The following ITGB6 variants were observed in gnomAD, a reference collection of about 807,000 sequenced individuals.
ITGB6 encodes integrin beta-6.
Under a neutral mutation model 84.5 loss-of-function variants are expected in ITGB6, and 80 were observed. That is an observed-to-expected ratio of 0.95 (90% CI 0.79 to 1.14). The LOEUF is 1.14. Among genes scored for constraint, ITGB6 ranks in the 50% most tolerant of loss-of-function variants. The pLI, the probability that ITGB6 is intolerant of heterozygous loss-of-function variation, is 0.00. For missense variants in ITGB6, 1,006 were observed against 968.0 expected, an observed-to-expected ratio of 1.04 and a Z score of -0.52; for synonymous variants, 383 against 354.9, an observed-to-expected ratio of 1.08 and a Z score of -0.89.
intron 7 of ITGB6, among the ~76,000 whole-genome samples, chr2:160,157,775 A>G (rs1255028223): frequency 7.2e-6 from 1 of 139,480 alleles, no homozygotes; most frequent in African/African-American, 2.6e-5. Context: ...AAAAAATCCT[A>G]GGGGAATGTA....
chr2:160,161,872 C>T (rs1574104259), intron 7 of ITGB6, among the ~76,000 whole-genome samples: 1 of 152,180 alleles, frequency 6.6e-6, no homozygotes, highest in Non-Finnish European at 1.5e-5. Flanking sequence ...TCCCCTGTGA[C>T]CCAAGGATTT....
Position 160,126,538 on chromosome 2 carries a change from T to C in ITGB6, c.1724A>G (p.Asn575Ser). 1 of 1,614,076 alleles carries C rather than the reference T, an allele frequency of 6.2e-7. No homozygotes were observed. Among genetic ancestry groups the C allele is most frequent in the South Asian group, 1.1e-5 (1 of 91,072 alleles). Residue 575 changes from asparagine (N) to serine (S), a missense_variant, in exon 11 of 15, where the codon AAC becomes AGC. Physicochemically the swap from Asn to Ser is conservative, Grantham distance 46. Transcript: ENST00000283249. The part of the protein sequence containing the change: ...CRSGWTGEYC[N>S]CTTSTDSCVS... ...GCAGGAGTCCGTGCTGGTGGTGCAG[T>C]TGCAGTACTCGCCAGTCCAGCCGCT...
chr2:160,171,676 T>C (rs1471120), intron 6 of ITGB6, among the ~76,000 whole-genome samples: 32,701 of 152,180 alleles, frequency 0.21, 4,156 homozygotes, highest in Middle Eastern at 0.39. Context: ...TTATAGGCAC[T>C]GTGCTATCAG....
chr2:160,101,667 G>GA lies in ITGB6; in HGVS notation c.*68dup. 1 of 900,404 alleles carries GA rather than the reference G, an allele frequency of 1.1e-6. No individual in the cohort carries two copies. The highest frequency in any genetic ancestry group is 1.8e-6 in the Non-Finnish European group (1 of 544,874). The allele number at this position is 900,404 out of a possible 1,614,324, so 55.8% of individuals were successfully genotyped here. A position where few individuals can be genotyped will look rare whatever the true frequency, so the allele number is the denominator to read the frequency against. ...CAACCTCATTTTGAAGCAACAAAGA[G>GA]AAAAAAATTAAATAGTGCATTAACA... On this transcript the variant is annotated 3_prime_UTR_variant, in exon 15 of 15. Coordinates refer to ENST00000283249, the MANE Select transcript of ITGB6 (RefSeq NM_000888.5).
intron 10 of ITGB6, among the ~76,000 whole-genome samples, chr2:160,135,571 A>T (rs1000161996): frequency 2.0e-5 from 3 of 152,000 alleles, no homozygotes; most frequent in Admixed American, 2.0e-4. Context: ...TTCATATGGA[A>T]CCAAAAAAGA....
rs771143977 is a variant in ITGB6, at chr2:160,126,412, C to A, written c.1850G>T (p.Cys617Phe). The change falls in exon 11 of 15, where the codon TGT (cysteine) becomes TTT (phenylalanine). Residue 617 changes from cysteine (C) to phenylalanine (F), a missense_variant. Transcript: ENST00000283249. The stretch of plus-strand genomic sequence containing the variant: ...GTTACAGGGGTCACCACAGGTAGGA[C>A]ATCGTTCACAGGTTGGTCCTGAGGC... Reference protein sequence around the residue: ...PGASGPTCERCPTCGDPCNSK... With the variant: ...PGASGPTCERFPTCGDPCNSK... 6.2e-7 allele frequency: 1 copy of A among 1,614,206 alleles called. No homozygotes were observed. The highest frequency in any genetic ancestry group is 8.5e-7 in the Non-Finnish European group (1 of 1,180,020).
rs183016739 is a variant in ITGB6 at position 160,183,017 on chromosome 2, G to T, written c.594-8878C>A. On this transcript the variant is annotated intron_variant, in intron 4 of 14. Coordinates refer to ENST00000283249, the MANE Select transcript of ITGB6 (RefSeq NM_000888.5). ...GCACTAAATATGGAAGGGAAAAACT[G>T]GTACCAGCCACTGCAAAAACATACC... Among the ~76,000 whole-genome samples the T allele has an allele frequency of 5.8e-4, 88 of 152,186 alleles. 1 individual carries two copies. In the East Asian group the frequency reaches 0.014, roughly 25 times the overall value.
At position 160,123,884 on chromosome 2, in the gene ITGB6, A is replaced by G; in HGVS notation, c.1888T>C (p.Cys630Arg). 6.2e-7 allele frequency: 1 copy of G among 1,612,722 alleles called. No individual in the cohort carries two copies. Among genetic ancestry groups the G allele is most frequent in the African/African-American group, 1.3e-5 (1 of 75,036 alleles). ...CGDPCNSKRS[C>R]IECHLSAAGQ... Reference sequence around the variant, plus strand: ...GCTGCTGACAGGTGGCACTCAATGCAGCTCCTGTGGACAGTATCCAACAGT... The same window carrying G: ...GCTGCTGACAGGTGGCACTCAATGCGGCTCCTGTGGACAGTATCCAACAGT... Residue 630 changes from cysteine to arginine, a missense_variant, in exon 12 of 15, where the codon TGC (cysteine) becomes CGC (arginine). By Grantham distance (180) the Cys-to-Arg change is radical (BLOSUM62 -3). Transcript: ENST00000283249.
intron 7 of ITGB6, among the ~76,000 whole-genome samples, chr2:160,157,748 CAA>C (rs11364475): frequency 0.062 from 5,196 of 84,056 alleles, 102 homozygotes; most frequent in Middle Eastern, 0.17. Flanking sequence ...AGCACAGAGG[CAA>C]AAAAAAAAAA....
At chr2:160,146,436 G>C (rs1255009569) in intron 7 of ITGB6, among the ~76,000 whole-genome samples, 2 of 152,004 alleles carry the variant, frequency 1.3e-5, no homozygotes, top group Non-Finnish European at 2.9e-5. Flanking sequence ...TCACAGCACT[G>C]TTTGTTTTCA....
chr2:160,177,439 T>C (rs959172235), intron 4 of ITGB6, among the ~76,000 whole-genome samples: 7 of 151,804 alleles, frequency 4.6e-5, no homozygotes, highest in Non-Finnish European at 1.0e-4. Flanking sequence ...GGGGTGGTGG[T>C]GGGTGCCTGT....
intron 12 of ITGB6, among the ~76,000 whole-genome samples, chr2:160,115,497 C>T (rs970752806): frequency 1.3e-5 from 2 of 152,120 alleles, no homozygotes; most frequent in Admixed American, 1.3e-4. Context: ...ACATCCACAC[C>T]AAAAACCCTT....
At chr2:160,125,834 T>A (rs1318463097) in intron 11 of ITGB6, among the ~76,000 whole-genome samples, 1 of 152,090 alleles carries the variant, frequency 6.6e-6, no homozygotes, top group African/African-American at 2.4e-5. Flanking sequence ...AATAGCTGTG[T>A]ATAATGGCAA....
chr2:160,195,338 C>T, intron 4 of ITGB6, 31 bp downstream of exon 4: 1 of 1,612,982 alleles, frequency 6.2e-7, no homozygotes, highest in Non-Finnish European at 8.5e-7. Context: ...AAAATCAGCG[C>T]ACAAAGATGC....
At chr2:160,164,262 G>A (rs572174138) in intron 7 of ITGB6, among the ~76,000 whole-genome samples, 1 of 152,278 alleles carries the variant, frequency 6.6e-6, no homozygotes, top group East Asian at 1.9e-4. Context: ...GTTCACAGGA[G>A]GTACTCATGA....
chr2:160,169,083 G>A, intron 7 of ITGB6, 129 bp downstream of exon 7: 6 of 580,208 alleles, frequency 1.0e-5, no homozygotes, highest in East Asian at 2.7e-5. Flanking sequence ...TTAGCCAAGC[G>A]CCCAGTACAT....
intron 1 of ITGB6, 90 bp downstream of exon 1, chr2:160,199,913 A>G: frequency 3.0e-6 from 3 of 1,003,630 alleles, no homozygotes; most frequent in Non-Finnish European, 4.7e-6. Context: ...CAGATCAAAT[A>G]AAACATGACT....
intron 13 of ITGB6, among the ~76,000 whole-genome samples, chr2:160,110,594 C>T (rs1187026590): frequency 6.6e-6 from 1 of 152,120 alleles, no homozygotes; most frequent in Non-Finnish European, 1.5e-5. Flanking sequence ...TCTGGAAGTC[C>T]CTCCGGACTG....
chr2:160,136,868 A>G (rs1480890323), intron 10 of ITGB6, among the ~76,000 whole-genome samples: 2 of 146,010 alleles, frequency 1.4e-5, no homozygotes, highest in African/African-American at 5.1e-5. Flanking sequence ...ACATGGACAC[A>G]GGAAGGGGAA....
Sources: gnomAD v4.1 joint callset for allele counts (sites outside exome capture counted in the v4.1 genomes callset) on GRCh38, gnomAD v4.1.1 for gene constraint, MANE v1.5 for transcripts, NCBI Gene and HGNC (gene_info 2026-07-23, HGNC 2026-07-21) for gene names.